The following ATP8B4 variants were observed in gnomAD, a reference collection of about 807,000 sequenced individuals.
The protein encoded by ATP8B4 is ATPase phospholipid transporting 8B4 (putative).
ATP8B4 carries 133 observed loss-of-function variants against 145.6 expected under a neutral mutation model. The ratio of observed to expected loss-of-function variants is 0.91; its 90% CI spans 0.79 to 1.05. The LOEUF is 1.05. Among genes scored for constraint, ATP8B4 ranks in the 50% least tolerant of loss-of-function variants. The pLI is 0.00. For missense variants in ATP8B4, 1,458 were observed against 1,425.2 expected (o/e 1.02, Z -0.37); for synonymous variants, 507 against 492.9 (o/e 1.03, Z -0.38).
At chr15:49,902,667 G>A (rs1566957192) in intron 20 of ATP8B4, among the ~76,000 whole-genome samples, 1 of 152,160 alleles carries the variant, frequency 6.6e-6, no homozygotes, top group Non-Finnish European at 1.5e-5. Context: ...GAACAGACAT[G>A]AAAAATCATT....
intron 1 of ATP8B4, among the ~76,000 whole-genome samples, chr15:50,137,515 C>T (rs906273616): frequency 4.6e-5 from 7 of 152,210 alleles, no homozygotes; most frequent in African/African-American, 1.7e-4. Flanking sequence ...GACTAACTAC[C>T]AGCAGCATTT....
intron 2 of ATP8B4, among the ~76,000 whole-genome samples, chr15:50,085,921 TATATATC>T (rs1567330861): frequency 2.8e-5 from 3 of 108,492 alleles, no homozygotes; most frequent in African/African-American, 1.2e-4. Context: ...TTATATATGA[TATATATC>T]ATATATATTT....
chr15:50,131,441 C>T (rs906401781), intron 1 of ATP8B4, among the ~76,000 whole-genome samples: 1 of 152,166 alleles, frequency 6.6e-6, no homozygotes, highest in African/African-American at 2.4e-5. Context: ...TTGAACCTGA[C>T]AGTCTGGTTC....
intron 23 of ATP8B4, among the ~76,000 whole-genome samples, chr15:49,880,984 C>T (rs555807035): frequency 3.3e-5 from 5 of 152,094 alleles, no homozygotes; most frequent in East Asian, 1.9e-4. Context: ...TGGTGGCGGG[C>T]GCCTGTAGTC....
chr15:50,024,775 T>C (rs748211702), intron 6 of ATP8B4, among the ~76,000 whole-genome samples: 18 of 152,208 alleles, frequency 1.2e-4, no homozygotes, highest in Non-Finnish European at 2.2e-4. Flanking sequence ...CTCTGCTAAT[T>C]AAGAAATGAA....
chr15:50,087,223 C>T (rs1485735281), intron 2 of ATP8B4, among the ~76,000 whole-genome samples: 5 of 126,736 alleles, frequency 3.9e-5, no homozygotes, highest in Non-Finnish European at 7.9e-5. Context: ...ATATATAGAT[C>T]TATATTTATT....
chr15:49,996,557 CT>C, intron 9 of ATP8B4, 119 bp downstream of exon 9: 1 of 791,372 alleles, frequency 1.3e-6, no homozygotes, highest in South Asian at 2.1e-5. Context: ...GCTTTGATGC[CT>C]GGAGAATTTG....
At chr15:49,873,385 T>C (rs779258900) in intron 25 of ATP8B4, among the ~76,000 whole-genome samples, 10 of 152,114 alleles carry the variant, frequency 6.6e-5, no homozygotes, top group Non-Finnish European at 1.2e-4. Flanking sequence ...GTAGACGCAA[T>C]CTAACAGCAA....
rs1333321006 is a variant in ATP8B4 at position 50,010,901 on chromosome 15, A to G, written c.379T>C (p.Trp127Arg). 6.4e-7 allele frequency: 1 copy of G among 1,557,844 alleles called. No individual in the cohort carries two copies. The highest frequency in any genetic ancestry group is 8.7e-7 in the Non-Finnish European group (1 of 1,154,790). Residue 127 changes from tryptophan (W) to arginine (R), a missense_variant, in exon 7 of 28, where the codon TGG becomes CGG. Transcript: ENST00000284509. ...LINSKLQNEKWMNVKVGDIIK... is the reference protein window; with the variant it reads ...LINSKLQNEKRMNVKVGDIIK... ...ATGTCTCCCACTTTGACATTCATCC[A>G]TTTTTCATTCTGCAGTCTAAAAACA...
intron 26 of ATP8B4, among the ~76,000 whole-genome samples, chr15:49,864,052 TAAAAC>T (rs1472168706): frequency 6.6e-6 from 1 of 152,158 alleles, no homozygotes; most frequent in African/African-American, 2.4e-5. Flanking sequence ...CTTAAAAAAA[TAAAAC>T]AAAAATAGTT....
intron 10 of ATP8B4, 114 bp downstream of exon 10, chr15:49,987,277 A>G (rs1312879310): frequency 1.2e-5 from 15 of 1,282,278 alleles, no homozygotes; most frequent in African/African-American, 3.0e-5. Context: ...CCAGAGCACG[A>G]CTTTGCATGG....
intron 23 of ATP8B4, among the ~76,000 whole-genome samples, chr15:49,884,613 G>GAAAA (rs60012082): frequency 1.7e-5 from 2 of 117,666 alleles, no homozygotes; most frequent in Non-Finnish European, 1.7e-5. Flanking sequence ...CAAAAAAAAA[G>GAAAA]AAAAAAAAAA....
chr15:49,907,820 G>A (rs2038787676), intron 20 of ATP8B4, among the ~76,000 whole-genome samples: 1 of 152,146 alleles, frequency 6.6e-6, no homozygotes. Flanking sequence ...TATTTCCCCT[G>A]GAAATTTCTG....
chr15:49,980,406 G>A (rs377539638), intron 11 of ATP8B4, among the ~76,000 whole-genome samples: 1 of 152,052 alleles, frequency 6.6e-6, no homozygotes. Flanking sequence ...GGCTGTCTTC[G>A]AACTTTACCC....
At chr15:50,047,896 A>C (rs1222228703) in intron 3 of ATP8B4, among the ~76,000 whole-genome samples, 1 of 152,172 alleles carries the variant, frequency 6.6e-6, no homozygotes, top group Non-Finnish European at 1.5e-5. Flanking sequence ...CTGTCTTAGA[A>C]GATCTCCTGG....
At chr15:50,064,705 A>G (rs749196656) in intron 3 of ATP8B4, among the ~76,000 whole-genome samples, 6 of 152,178 alleles carry the variant, frequency 3.9e-5, no homozygotes, top group Non-Finnish European at 5.9e-5. Context: ...TAATTTATAA[A>G]GACAAGAGGT....
At chr15:50,137,325 C>G (rs967376344) in intron 1 of ATP8B4, among the ~76,000 whole-genome samples, 8 of 152,210 alleles carry the variant, frequency 5.3e-5, no homozygotes, top group African/African-American at 1.9e-4. Context: ...GAGAAGCTGT[C>G]TAGATCCTCC....
chr15:49,868,020 C>T lies in ATP8B4; in HGVS notation c.3028-1536G>A, dbSNP rs144754132. Among the ~76,000 whole-genome samples, 413 of 152,162 alleles carry T rather than the reference C, an allele frequency of 2.7e-3. 2 individuals carry two copies. Among genetic ancestry groups the T allele is most frequent in the Admixed American group, 6.7e-3 (103 of 15,282 alleles). On this transcript the variant is annotated intron_variant, in intron 25 of 27. Transcript: ENST00000284509. ...ATCTCAGATCTATGACTCCAATATACAAATAATGGCATTTTAGAAAGAGAA... is the reference window on the plus strand; with the variant it reads ...ATCTCAGATCTATGACTCCAATATATAAATAATGGCATTTTAGAAAGAGAA...
chr15:49,927,544 A>G (rs991564101), intron 16 of ATP8B4, among the ~76,000 whole-genome samples: 3 of 152,150 alleles, frequency 2.0e-5, no homozygotes, highest in Admixed American at 2.0e-4. Flanking sequence ...ACCTTCATGC[A>G]TTCTGTGGTA....
Sources: gnomAD v4.1 joint callset for allele counts (sites outside exome capture counted in the v4.1 genomes callset) on GRCh38, gnomAD v4.1.1 for gene constraint, MANE v1.5 for transcripts, NCBI Gene and HGNC (gene_info 2026-07-23, HGNC 2026-07-21) for gene names.